FSIP1: variants seen among roughly 807,000 people sequenced by gnomAD.
FSIP1 encodes fibrous sheath interacting protein 1.
A neutral mutation model predicts 60.9 loss-of-function variants in FSIP1; 65 were observed. That is an observed-to-expected ratio of 1.07 (90% CI 0.87 to 1.31). FSIP1 has a LOEUF of 1.31. FSIP1 is among the 40% of genes most tolerant of loss of function. The pLI, the probability that FSIP1 is intolerant of heterozygous loss-of-function variation, is 0.00. For synonymous variants in FSIP1, 209 were observed against 221.2 expected (o/e 0.94, Z 0.49); for missense variants, 675 against 665.5 (o/e 1.01, Z -0.16).
At chr15:39,664,859 G>A (rs1207105539) in intron 10 of FSIP1, among the ~76,000 whole-genome samples, 2 of 152,070 alleles carry the variant, frequency 1.3e-5, no homozygotes, top group Non-Finnish European at 2.9e-5. Context: ...AGGGATGCCT[G>A]GAAGTGATCT....
intron 10 of FSIP1, among the ~76,000 whole-genome samples, chr15:39,705,701 T>G (rs1360612376): frequency 1.3e-5 from 2 of 152,028 alleles, no homozygotes; most frequent in Admixed American, 6.6e-5. Context: ...TATTTTCAAT[T>G]AAAAGTCATA....
chr15:39,765,328 A>G (rs1566918901), intron 4 of FSIP1, among the ~76,000 whole-genome samples: 1 of 149,266 alleles, frequency 6.7e-6, no homozygotes, highest in Non-Finnish European at 1.5e-5. Context: ...ATAGCATTGA[A>G]CTCCTGGGCT....
At chr15:39,683,780 T>C (rs1176408737) in intron 10 of FSIP1, among the ~76,000 whole-genome samples, 1 of 152,114 alleles carries the variant, frequency 6.6e-6, no homozygotes, top group East Asian at 1.9e-4. Context: ...TATATACACT[T>C]CTTGTATACA....
intron 10 of FSIP1, among the ~76,000 whole-genome samples, chr15:39,685,609 T>C (rs573597306): frequency 1.3e-5 from 2 of 152,324 alleles, no homozygotes; most frequent in African/African-American, 2.4e-5. Flanking sequence ...CTGGGTTACA[T>C]GTAGTTTAAG....
At chr15:39,694,520 G>T (rs1894733162) in intron 10 of FSIP1, among the ~76,000 whole-genome samples, 1 of 151,912 alleles carries the variant, frequency 6.6e-6, no homozygotes, top group Non-Finnish European at 1.5e-5. Flanking sequence ...CTCATTTTTG[G>T]CCGGTCATGG....
chr15:39,716,546 ACAAT>A (rs1438855356), intron 9 of FSIP1, among the ~76,000 whole-genome samples: 1 of 152,238 alleles, frequency 6.6e-6, no homozygotes, highest in Non-Finnish European at 1.5e-5. Context: ...TAATCAAATG[ACAAT>A]CAAATTCTAT....
At chr15:39,714,113 A>T (rs1895643208) in intron 9 of FSIP1, among the ~76,000 whole-genome samples, 1 of 152,218 alleles carries the variant, frequency 6.6e-6, no homozygotes, top group South Asian at 2.1e-4. Flanking sequence ...TCTGTAAAAC[A>T]GTAACAGTAA....
chr15:39,782,723 A>AC lies in FSIP1; in HGVS notation c.-104dup, dbSNP rs1898322632. The AC allele has an allele frequency of 6.6e-6, 1 of 152,054 alleles. No individual in the cohort carries two copies. The allele number at this position is 152,054 out of a possible 1,614,324, so 9.4% of individuals were successfully genotyped here. A position where few individuals can be genotyped will look rare whatever the true frequency, so the allele number is the denominator to read the frequency against. On this transcript the variant is annotated 5_prime_UTR_variant, in exon 1 of 12. Transcript: ENST00000350221. ...CAGACACTCGCCGCGCCAGCCACTTACCCCCAGAGGAGAGGGGTCTCTCCC... is the reference window on the plus strand; with the variant it reads ...CAGACACTCGCCGCGCCAGCCACTTACCCCCCAGAGGAGAGGGGTCTCTCCC...
intron 10 of FSIP1, among the ~76,000 whole-genome samples, chr15:39,651,506 G>C (rs1436626435): frequency 6.6e-6 from 1 of 152,172 alleles, no homozygotes; most frequent in East Asian, 1.9e-4. Context: ...GTGTGACTTT[G>C]GGCAAGTTAC....
intron 10 of FSIP1, among the ~76,000 whole-genome samples, chr15:39,655,425 G>T (rs1298141592): frequency 3.3e-5 from 5 of 152,174 alleles, no homozygotes; most frequent in South Asian, 4.1e-4. Context: ...GCCTCAAAAT[G>T]TAACTCTTCT....
chr15:39,734,375 G>A (rs1170720524), intron 8 of FSIP1, among the ~76,000 whole-genome samples: 1 of 152,118 alleles, frequency 6.6e-6, no homozygotes, highest in African/African-American at 2.4e-5. Context: ...TTAATGATGT[G>A]GCTAAAAATT....
intron 10 of FSIP1, among the ~76,000 whole-genome samples, chr15:39,674,255 C>T (rs956928580): frequency 3.3e-5 from 5 of 152,026 alleles, no homozygotes; most frequent in African/African-American, 9.7e-5. Flanking sequence ...AGGGTTTCAC[C>T]GTGTTAGCCA....
rs1008193913 is a variant in FSIP1 at position 39,600,586 on chromosome 15, C to G, written c.*294G>C. ...ATCACAGCACTTCAACGAGTTTTACCCTAACACGTATACATTAAAATGTTG... is the reference window on the plus strand; with the variant it reads ...ATCACAGCACTTCAACGAGTTTTACGCTAACACGTATACATTAAAATGTTG... On this transcript the variant is annotated 3_prime_UTR_variant, in exon 12 of 12. Coordinates refer to ENST00000350221, the MANE Select transcript of FSIP1 (RefSeq NM_152597.5). The G allele has an allele frequency of 7.9e-6, 2 of 251,710 alleles. No individual in the cohort carries two copies. Among genetic ancestry groups the G allele is most frequent in the Non-Finnish European group, 1.5e-5 (2 of 133,644 alleles). 15.6% of individuals were successfully genotyped at this position (251,710 alleles called of 1,614,324 possible).
chr15:39,731,218 C>T (rs1896391315), intron 8 of FSIP1, among the ~76,000 whole-genome samples: 1 of 152,040 alleles, frequency 6.6e-6, no homozygotes, highest in Non-Finnish European at 1.5e-5. Context: ...GCTAAAGGCA[C>T]ACAACTCTGA....
chr15:39,715,977 G>A (rs1895722757), intron 9 of FSIP1, among the ~76,000 whole-genome samples: 1 of 152,090 alleles, frequency 6.6e-6, no homozygotes, highest in Non-Finnish European at 1.5e-5. Context: ...TGTGCCTCCT[G>A]TACAGCCTGC....
At chr15:39,704,420 G>T (rs1485688524) in intron 10 of FSIP1, among the ~76,000 whole-genome samples, 1 of 152,232 alleles carries the variant, frequency 6.6e-6, no homozygotes, top group Non-Finnish European at 1.5e-5. Context: ...ATGTGGAAAA[G>T]ATGTATATCC....
intron 3 of FSIP1, among the ~76,000 whole-genome samples, chr15:39,769,521 A>G (rs1897811009): frequency 6.6e-6 from 1 of 152,196 alleles, no homozygotes; most frequent in Non-Finnish European, 1.5e-5. Context: ...GTTCCATTAT[A>G]AAAGTGGCCA....
chr15:39,756,618 T>C (rs1333216999), intron 5 of FSIP1, among the ~76,000 whole-genome samples: 1 of 151,984 alleles, frequency 6.6e-6, no homozygotes, highest in African/African-American at 2.4e-5. Flanking sequence ...ATTACATGCA[T>C]GAACCACCCA....
At chr15:39,632,708 G>A (rs190381413) in intron 10 of FSIP1, among the ~76,000 whole-genome samples, 7 of 152,142 alleles carry the variant, frequency 4.6e-5, no homozygotes, top group South Asian at 4.1e-4. Context: ...CAGGAGAATC[G>A]CTTGAACCAG....
Sources: allele counts gnomAD v4.1 joint callset (sites outside exome capture counted in the v4.1 genomes callset), GRCh38; gene constraint gnomAD v4.1.1; transcripts MANE v1.5; gene names NCBI Gene and HGNC (gene_info 2026-07-23, HGNC 2026-07-21).